Variants in ASAP1 observed in about 807,000 individuals in gnomAD.
ASAP1 encodes the protein ArfGAP with SH3 domain, ankyrin repeat and PH domain 1.
Under a neutral mutation model 145.2 loss-of-function variants are expected in ASAP1, and 43 were observed. The ratio of observed to expected loss-of-function variants is 0.30; its 90% CI spans 0.23 to 0.38. ASAP1 has a LOEUF of 0.38. Ranked by LOEUF, ASAP1 falls within the 10% of genes least tolerant of loss-of-function variation. ASAP1 has a pLI of 1.00. For missense variants in ASAP1, 1,018 were observed against 1,355.3 expected (o/e 0.75, Z 3.91); for synonymous variants, 546 against 515.5 (o/e 1.06, Z -0.80).
chr8:130,333,408 C>T (rs140411972), intron 3 of ASAP1, among the ~76,000 whole-genome samples: 1 of 152,156 alleles, frequency 6.6e-6, no homozygotes, highest in South Asian at 2.1e-4. Context: ...TCGGGACCAG[C>T]CTGACCAACA....
intron 3 of ASAP1, among the ~76,000 whole-genome samples, chr8:130,253,936 G>A (rs117353045): frequency 0.035 from 5,286 of 152,154 alleles, 126 homozygotes; most frequent in Middle Eastern, 0.065. Flanking sequence ...CATGAGAATC[G>A]CTTGAACCCA....
At chr8:130,412,052 A>C (rs1031202053) in intron 1 of ASAP1, among the ~76,000 whole-genome samples, 2 of 152,202 alleles carry the variant, frequency 1.3e-5, no homozygotes, top group African/African-American at 4.8e-5. Context: ...TATCGGCCAC[A>C]TAGCCCCTTT....
chr8:130,249,525 T>C (rs958010026), intron 3 of ASAP1, among the ~76,000 whole-genome samples: 6 of 152,178 alleles, frequency 3.9e-5, no homozygotes, highest in African/African-American at 1.4e-4. Flanking sequence ...TTACAAACTC[T>C]TGTTCAACCT....
chr8:130,265,882 G>A (rs1030809188), intron 3 of ASAP1, among the ~76,000 whole-genome samples: 3 of 152,014 alleles, frequency 2.0e-5, no homozygotes, highest in Admixed American at 6.6e-5. Flanking sequence ...TGTCTCCCCC[G>A]AAAAAAGCAA....
At chr8:130,099,928 G>A (rs1001215350) in intron 24 of ASAP1, among the ~76,000 whole-genome samples, 1 of 152,078 alleles carries the variant, frequency 6.6e-6, no homozygotes, top group South Asian at 2.1e-4. Context: ...TGGACATTTA[G>A]ACTGATTCCA....
At chr8:130,149,709 T>C (rs896501976) in intron 13 of ASAP1, among the ~76,000 whole-genome samples, 9 of 152,254 alleles carry the variant, frequency 5.9e-5, no homozygotes, top group Non-Finnish European at 1.0e-4. Context: ...AAGCCCTTTA[T>C]GTTTTTCTCA....
rs1235141329 is a variant in ASAP1 at position 130,153,350 on chromosome 8, T to TATATATATAC, written c.1011-546_1011-545insGTATATATAT. On this transcript the variant is annotated intron_variant, in intron 12 of 29. Coordinates refer to ENST00000518721, the MANE Select transcript of ASAP1 (RefSeq NM_018482.4). The stretch of plus-strand genomic sequence containing the variant: ...CTTTTTAAATATATATATATATATA[T>TATATATATAC]ATATATATGTATATATATATATATA... 4.7e-3 allele frequency among the ~76,000 whole-genome samples: 226 copies of TATATATATAC among 48,544 alleles called. 1 individual carries two copies. In the East Asian group the frequency reaches 0.063, roughly 13 times the overall value. The allele number at this position is 48,544 out of a possible 152,430, so 31.8% of individuals were successfully genotyped here. A position where few individuals can be genotyped will look rare whatever the true frequency, so the allele number is the denominator to read the frequency against.
chr8:130,303,813 T>G (rs1031953448), intron 3 of ASAP1, among the ~76,000 whole-genome samples: 1 of 152,182 alleles, frequency 6.6e-6, no homozygotes, highest in Non-Finnish European at 1.5e-5. Flanking sequence ...AGATTTTTAG[T>G]GCTGCTAAAA....
At chr8:130,150,237 G>A (rs1425371390) in intron 13 of ASAP1, among the ~76,000 whole-genome samples, 1 of 152,206 alleles carries the variant, frequency 6.6e-6, no homozygotes, top group Non-Finnish European at 1.5e-5. Flanking sequence ...TGGATGATGT[G>A]ATGAGACTTG....
chr8:130,174,581 G>C (rs1813823516), intron 9 of ASAP1, among the ~76,000 whole-genome samples: 1 of 152,198 alleles, frequency 6.6e-6, no homozygotes, highest in Non-Finnish European at 1.5e-5. Flanking sequence ...ACTAGGTTCA[G>C]AACTTTCAGC....
intron 3 of ASAP1, among the ~76,000 whole-genome samples, chr8:130,330,981 T>C (rs1170053412): frequency 6.6e-6 from 1 of 152,160 alleles, no homozygotes; most frequent in African/African-American, 2.4e-5. Context: ...AAAATGGGCT[T>C]TGGCATCAGA....
chr8:130,211,047 G>A lies in ASAP1; in HGVS notation c.405+3509C>T, dbSNP rs146965959. 9.9e-3 allele frequency among the ~76,000 whole-genome samples: 1,514 copies of A among 152,268 alleles called. 13 individuals are homozygous for A. Among genetic ancestry groups the A allele is most frequent in the Admixed American group, 0.021 (318 of 15,294 alleles). On this transcript the variant is annotated intron_variant, in intron 5 of 29. Coordinates refer to ENST00000518721, the MANE Select transcript of ASAP1 (RefSeq NM_018482.4). The stretch of plus-strand genomic sequence containing the variant: ...GTGAATTGCCAAAGGCTATAAAGCT[G>A]GTGAGGCGGAAACTAGGATTCCAGG...
intron 3 of ASAP1, among the ~76,000 whole-genome samples, chr8:130,263,318 C>T (rs139691451): frequency 5.5e-4 from 84 of 152,244 alleles, no homozygotes; most frequent in African/African-American, 2.0e-3. Context: ...AGTCAGATCC[C>T]ACCCTCTCAG....
chr8:130,166,037 T>C (rs1179535248), intron 11 of ASAP1, among the ~76,000 whole-genome samples: 1 of 152,216 alleles, frequency 6.6e-6, no homozygotes, highest in Non-Finnish European at 1.5e-5. Context: ...TGTTTGTTTG[T>C]TTGAGGCAGG....
intron 3 of ASAP1, among the ~76,000 whole-genome samples, chr8:130,249,192 CAG>C (rs1288173861): frequency 2.0e-5 from 3 of 152,166 alleles, no homozygotes; most frequent in African/African-American, 4.8e-5. Flanking sequence ...CGCACCATTG[CAG>C]AGTGTTTCTA....
At chr8:130,131,817 A>C (rs1337330952) in intron 15 of ASAP1, among the ~76,000 whole-genome samples, 1 of 152,156 alleles carries the variant, frequency 6.6e-6, no homozygotes, top group Non-Finnish European at 1.5e-5. Context: ...ACAAAACTGC[A>C]AAGTGCAAAA....
At chr8:130,242,837 G>A (rs1178353093) in intron 3 of ASAP1, among the ~76,000 whole-genome samples, 3 of 152,088 alleles carry the variant, frequency 2.0e-5, no homozygotes, top group Non-Finnish European at 4.4e-5. Flanking sequence ...TCAAAAAGGG[G>A]AAAGATATAG....
chr8:130,308,846 AGCC>A (rs1269591985), intron 3 of ASAP1, among the ~76,000 whole-genome samples: 1 of 152,182 alleles, frequency 6.6e-6, no homozygotes, highest in East Asian at 1.9e-4. Context: ...GTTCAAGACC[AGCC>A]TGGCCAACAT....
chr8:130,177,934 A>G (rs993684332), intron 9 of ASAP1, among the ~76,000 whole-genome samples: 1 of 152,186 alleles, frequency 6.6e-6, no homozygotes, highest in Non-Finnish European at 1.5e-5. Flanking sequence ...CAGAATCGTA[A>G]CCCAGCTTGA....
Sources: gnomAD v4.1 joint callset for allele counts (sites outside exome capture counted in the v4.1 genomes callset) on GRCh38, gnomAD v4.1.1 for gene constraint, MANE v1.5 for transcripts, NCBI Gene and HGNC (gene_info 2026-07-23, HGNC 2026-07-21) for gene names.